STAB2: variants seen among roughly 807,000 people sequenced by gnomAD.
STAB2 encodes the protein stabilin 2.
Under a neutral mutation model 338.1 loss-of-function variants are expected in STAB2, and 288 were observed. The ratio of observed to expected loss-of-function variants is 0.85; its 90% confidence interval spans 0.77 to 0.94. The LOEUF (loss-of-function observed/expected upper bound fraction) is 0.94, where lower values mean the gene tolerates loss of function less well. Ranked by LOEUF, STAB2 falls within the 40% of genes least tolerant of loss-of-function variation. The pLI is 0.00. For synonymous variants in STAB2, 1,202 were observed against 1,193.3 expected, an observed-to-expected ratio of 1.01 and a Z score of -0.15; for missense variants, 3,141 against 3,210.1, an observed-to-expected ratio of 0.98 and a Z score of 0.52.
At chr12:103,756,876 C>G (rs1267321082) in intron 63 of STAB2, among the ~76,000 whole-genome samples, 1 of 151,860 alleles carries the variant, frequency 6.6e-6, no homozygotes, top group African/African-American at 2.4e-5. Context: ...CCACACTAAT[C>G]TTTCTGCTGT....
chr12:103,719,775 C>T (rs1048560746), intron 44 of STAB2, among the ~76,000 whole-genome samples: 1 of 152,254 alleles, frequency 6.6e-6, no homozygotes. Context: ...GTTCAACCCA[C>T]TAGGCTGTGA....
At chr12:103,595,906 C>A (rs1956868382) in intron 3 of STAB2, among the ~76,000 whole-genome samples, 1 of 152,118 alleles carries the variant, frequency 6.6e-6, no homozygotes. Flanking sequence ...ATTGGCAGGT[C>A]CTTTCTGCCT....
intron 3 of STAB2, among the ~76,000 whole-genome samples, chr12:103,609,557 A>T (rs1451838718): frequency 3.9e-5 from 6 of 152,152 alleles, no homozygotes; most frequent in Admixed American, 3.9e-4. Flanking sequence ...GACTTTGCTG[A>T]AGTTGCTTAT....
intron 3 of STAB2, among the ~76,000 whole-genome samples, chr12:103,595,886 G>A (rs1380652441): frequency 6.6e-6 from 1 of 152,166 alleles, no homozygotes; most frequent in Non-Finnish European, 1.5e-5. Context: ...TGTTGGTAAT[G>A]TCTTTTTTGA....
At chr12:103,711,664 T>G in intron 40 of STAB2, 148 bp downstream of exon 40, 1 of 904,636 alleles carries the variant, frequency 1.1e-6, no homozygotes, top group Middle Eastern at 2.3e-4. Context: ...TAAAAATATC[T>G]CTGAAGAGGC....
At chr12:103,660,464 G>A (rs1458163092) in intron 16 of STAB2, 80 bp downstream of exon 16, 7 of 1,514,888 alleles carry the variant, frequency 4.6e-6, no homozygotes, top group South Asian at 3.4e-5. Context: ...ATATTTTGAC[G>A]CTAGAAAATG....
intron 45 of STAB2, among the ~76,000 whole-genome samples, chr12:103,725,858 T>G (rs1356716680): frequency 1.3e-5 from 2 of 152,368 alleles, no homozygotes; most frequent in Non-Finnish European, 2.9e-5. Context: ...AAAATGCTCT[T>G]AAAGTTCAGA....
intron 3 of STAB2, among the ~76,000 whole-genome samples, chr12:103,618,010 G>A (rs1957237510): frequency 6.6e-6 from 1 of 152,198 alleles, no homozygotes; most frequent in South Asian, 2.1e-4. Flanking sequence ...GTACCTGCAT[G>A]TTATGAATGT....
chr12:103,640,329 T>C, intron 9 of STAB2, 73 bp downstream of exon 9: 1 of 1,558,250 alleles, frequency 6.4e-7, no homozygotes. Flanking sequence ...TGTAAGTTTC[T>C]TGAAGGGGAG....
intron 55 of STAB2, among the ~76,000 whole-genome samples, chr12:103,742,140 C>T (rs1363107515): frequency 2.0e-5 from 3 of 152,164 alleles, no homozygotes; most frequent in Non-Finnish European, 2.9e-5. Flanking sequence ...AAGTTCATTA[C>T]TCAACCCAGA....
chr12:103,592,520 T>C (rs1428699000), intron 2 of STAB2, among the ~76,000 whole-genome samples: 1 of 152,210 alleles, frequency 6.6e-6, no homozygotes, highest in Non-Finnish European at 1.5e-5. Flanking sequence ...TTTTGTTTTA[T>C]GTTCTTTCGT....
intron 3 of STAB2, among the ~76,000 whole-genome samples, chr12:103,604,216 T>A (rs10861048): frequency 0.32 from 48,867 of 151,968 alleles, 10,017 homozygotes; most frequent in African/African-American, 0.58. Flanking sequence ...ACCTTACTGC[T>A]CTTACCATGA....
At position 103,621,982 on chromosome 12, in the gene STAB2, C is replaced by G. The variant is rs1475904645; in HGVS notation, c.418-60C>G. ...CAAATGCTGAGTTGGAAATCCAAGG[C>G]CTTCCTTGGTACCATGGGTCACCTT... is the stretch of plus-strand genomic sequence containing the variant. On this transcript the variant is annotated intron_variant, in intron 4 of 68. Coordinates refer to ENST00000388887, the MANE Select transcript of STAB2 (RefSeq NM_017564.10). 2.6e-6 allele frequency: 4 copies of G among 1,520,978 alleles called. No homozygotes were observed. In the African/African-American group the frequency reaches 5.5e-5, roughly 21 times the overall value. 94.2% of individuals were successfully genotyped at this position (1,520,978 alleles called of 1,614,324 possible).
intron 12 of STAB2, among the ~76,000 whole-genome samples, chr12:103,653,497 A>G (rs139866022): frequency 8.2e-4 from 125 of 152,318 alleles, no homozygotes; most frequent in African/African-American, 2.8e-3. Context: ...TTCTTAACCA[A>G]TCTGCTGCAG....
chr12:103,761,536 C>T (rs1884542253), intron 66 of STAB2, 126 bp downstream of exon 66: 1 of 794,852 alleles, frequency 1.3e-6, no homozygotes, highest in Non-Finnish European at 2.0e-6. Flanking sequence ...AGCCTCCAGC[C>T]TCCAACCTCC....
At position 103,745,113 on chromosome 12, in the gene STAB2, G is replaced by A. The variant is rs1256424997; in HGVS notation, c.6032-60G>A. 4.8e-6 allele frequency: 7 copies of A among 1,470,224 alleles called. No individual in the cohort carries two copies. In the East Asian group the frequency reaches 1.7e-4, roughly 35 times the overall value. 91.1% of individuals were successfully genotyped at this position (1,470,224 alleles called of 1,614,324 possible). On this transcript the variant is annotated intron_variant, in intron 56 of 68. Coordinates refer to ENST00000388887, the MANE Select transcript of STAB2 (RefSeq NM_017564.10). ...AAAATGCATAGCAAACAAGGGGTCA[G>A]GGAGCTGGTTGATTGGGTCTCAACC... is the stretch of plus-strand genomic sequence containing the variant.
At chr12:103,729,099 CAG>C (rs765120684) in intron 48 of STAB2, 104 bp downstream of exon 48, 334 of 1,113,224 alleles carry the variant, frequency 3.0e-4, no homozygotes, top group Non-Finnish European at 4.1e-4. Flanking sequence ...AATGCAGGAA[CAG>C]AAAACCCAAT....
intron 3 of STAB2, among the ~76,000 whole-genome samples, chr12:103,605,454 A>G (rs930887296): frequency 6.6e-6 from 1 of 151,962 alleles, no homozygotes; most frequent in Non-Finnish European, 1.5e-5. Context: ...ATGCCATTCA[A>G]GTCTTTTCTA....
At chr12:103,765,559 C>T (rs1884881612) in intron 68 of STAB2, among the ~76,000 whole-genome samples, 1 of 152,198 alleles carries the variant, frequency 6.6e-6, no homozygotes, top group South Asian at 2.1e-4. Context: ...TTGGCATGGC[C>T]ACCTCTAGAG....
Sources: allele counts gnomAD v4.1 joint callset (sites outside exome capture counted in the v4.1 genomes callset), GRCh38; gene constraint gnomAD v4.1.1; transcripts MANE v1.5; gene names NCBI Gene and HGNC (gene_info 2026-07-23, HGNC 2026-07-21).